Variants in RARB observed in about 807,000 individuals in gnomAD.
RARB encodes retinoic acid receptor beta.
A neutral mutation model predicts 51.9 loss-of-function variants in RARB; 17 were observed. The observed-to-expected ratio is 0.33, with a 90% confidence interval of 0.22 to 0.49. RARB has a LOEUF of 0.49. Among genes scored for constraint, RARB ranks in the 20% least tolerant of loss-of-function variants. The probability of loss-of-function intolerance (pLI) is 0.99; values close to 1 mark genes in which losing one functional copy is unlikely to be tolerated. For synonymous variants in RARB, 215 were observed against 195.4 expected (o/e 1.10, Z -0.84); for missense variants, 369 against 550.8 (o/e 0.67, Z 3.30).
intron 3 of RARB, among the ~76,000 whole-genome samples, chr3:25,076,904 T>G (rs930349211): frequency 1.3e-5 from 2 of 152,164 alleles, no homozygotes; most frequent in African/African-American, 2.4e-5. Context: ...GACAGTGGGA[T>G]TTCTAGGACA....
chr3:25,063,704 G>C (rs1169024205), intron 3 of RARB, among the ~76,000 whole-genome samples: 1 of 150,452 alleles, frequency 6.6e-6, no homozygotes, highest in African/African-American at 2.4e-5. Context: ...CTTGTAGTTT[G>C]AGACTTTTTT....
intron 5 of RARB, among the ~76,000 whole-genome samples, chr3:25,200,366 C>A (rs1701359524): frequency 6.6e-6 from 1 of 151,758 alleles, no homozygotes. Flanking sequence ...AAGTAGATTG[C>A]AAAAATTTTC....
At chr3:25,036,432 T>C (rs1244074205) in intron 2 of RARB, among the ~76,000 whole-genome samples, 2 of 152,172 alleles carry the variant, frequency 1.3e-5, no homozygotes, top group African/African-American at 4.8e-5. Flanking sequence ...CCTCTATTAA[T>C]TACATGCCGG....
At chr3:25,442,024 G>A (rs1163139595) in intron 1 of RARB, among the ~76,000 whole-genome samples, 1 of 152,146 alleles carries the variant, frequency 6.6e-6, no homozygotes, top group African/African-American at 2.4e-5. Flanking sequence ...ATTCTACATT[G>A]TCTAATATCA....
intron 1 of RARB, among the ~76,000 whole-genome samples, chr3:24,844,962 T>C (rs1702468248): frequency 6.6e-6 from 1 of 152,196 alleles, no homozygotes; most frequent in Non-Finnish European, 1.5e-5. Context: ...GTCTTCCTCT[T>C]CAGCAAACTC....
At chr3:25,215,134 GC>G (rs1265357150) in intron 5 of RARB, among the ~76,000 whole-genome samples, 1 of 152,150 alleles carries the variant, frequency 6.6e-6, no homozygotes, top group Non-Finnish European at 1.5e-5. Context: ...CTCACCTGGG[GC>G]CCAAGTGTCA....
rs998407515 is a variant in RARB at position 25,596,547 on chromosome 3, G to A, written c.1278G>A (p.Glu426=). 2.7e-5 allele frequency: 44 copies of A among 1,613,894 alleles called. 1 individual carries two copies. The East Asian group carries it at 9.8e-4, about 36-fold the overall frequency. Residue 426 remains glutamate (E), a synonymous_variant, in exon 8 of 8, where the codon GAG becomes GAA. Coordinates refer to ENST00000330688, the MANE Select transcript of RARB (RefSeq NM_000965.5). ...LTPSSSGNTA[E]HSPSISPSSV... ...CAAGTTCAAGTGGGAACACAGCAGA[G>A]CACAGTCCTAGCATCTCACCCAGCT...
intron 1 of RARB, among the ~76,000 whole-genome samples, chr3:25,430,948 C>G (rs962554997): frequency 9.6e-5 from 14 of 145,948 alleles, no homozygotes; most frequent in Admixed American, 8.8e-4. Flanking sequence ...TCAGTTGTTC[C>G]AACGATTTTT....
chr3:25,372,940 A>T (rs1575351369), intron 5 of RARB, among the ~76,000 whole-genome samples: 1 of 152,210 alleles, frequency 6.6e-6, no homozygotes, highest in South Asian at 2.1e-4. Context: ...TGGATTGGCA[A>T]TGTGGGTGAA....
chr3:25,341,569 C>T (rs1488469717), intron 5 of RARB, among the ~76,000 whole-genome samples: 1 of 152,096 alleles, frequency 6.6e-6, no homozygotes, highest in Admixed American at 6.6e-5. Context: ...TGACTTCTCT[C>T]TGTGGTGTGA....
intron 5 of RARB, among the ~76,000 whole-genome samples, chr3:25,339,217 A>C (rs554472024): frequency 2.4e-4 from 37 of 152,336 alleles, no homozygotes; most frequent in African/African-American, 8.9e-4. Context: ...AATGAAGTTT[A>C]GCCTAAAGCT....
At chr3:24,832,628 A>AATATATGTATATATATATATATATAT (rs1702297107) in intron 1 of RARB, among the ~76,000 whole-genome samples, 1 of 88,456 alleles carries the variant, frequency 1.1e-5, no homozygotes, top group South Asian at 4.4e-4. Context: ...ATTGAGTCCC[A>AATATATGTATATATATATATATATAT]ATATATATAT....
chr3:25,003,248 G>T (rs917992628), intron 2 of RARB, among the ~76,000 whole-genome samples: 1 of 151,670 alleles, frequency 6.6e-6, no homozygotes, highest in Non-Finnish European at 1.5e-5. Context: ...TAATTACAGG[G>T]TGTTTCATTT....
chr3:24,913,049 C>T (rs544269015), intron 2 of RARB, among the ~76,000 whole-genome samples: 19 of 133,948 alleles, frequency 1.4e-4, no homozygotes, highest in Non-Finnish European at 2.5e-4. Context: ...GGCGCCTTCT[C>T]GGCTCACTGC....
chr3:25,230,549 G>A (rs1438992643), intron 5 of RARB, among the ~76,000 whole-genome samples: 1 of 151,732 alleles, frequency 6.6e-6, no homozygotes, highest in Non-Finnish European at 1.5e-5. Flanking sequence ...CCACTGATCA[G>A]TTTCTAACAA....
rs534469545 is a variant in RARB at position 25,596,685 on chromosome 3, C to A, written c.*69C>A. On this transcript the variant is annotated 3_prime_UTR_variant, in exon 8 of 8. Transcript: ENST00000330688. Reference sequence around the variant, plus strand: ...CCAGGATTTAAAATGCAAGAAAAAACATTTTTACTGCTGCTTAGTTTTTGG... The same window carrying A: ...CCAGGATTTAAAATGCAAGAAAAAAAATTTTTACTGCTGCTTAGTTTTTGG... The A allele has an allele frequency of 1.1e-4, 148 of 1,342,660 alleles. No individual in the cohort carries two copies. The African/African-American group carries it at 2.0e-3, about 18-fold the overall frequency. 83.2% of individuals were successfully genotyped at this position (1,342,660 alleles called of 1,614,324 possible).
intron 4 of RARB, among the ~76,000 whole-genome samples, chr3:25,172,092 T>C (rs1700656777): frequency 6.6e-6 from 1 of 152,172 alleles, no homozygotes; most frequent in Non-Finnish European, 1.5e-5. Flanking sequence ...CTTTGTAAGT[T>C]CAGCGGAGTA....
At chr3:24,862,345 T>C (rs1371399932) in intron 2 of RARB, among the ~76,000 whole-genome samples, 4 of 152,206 alleles carry the variant, frequency 2.6e-5, no homozygotes, top group Non-Finnish European at 4.4e-5. Context: ...AGGAAACGAA[T>C]GTCCAAAGAG....
chr3:24,858,790 T>C (rs780156345), intron 2 of RARB: 6 of 152,014 alleles, frequency 3.9e-5, no homozygotes, highest in Non-Finnish European at 8.8e-5. Context: ...TCTCTAATAC[T>C]TTTTGGGAGG....
Sources: allele counts gnomAD v4.1 joint callset (sites outside exome capture counted in the v4.1 genomes callset), GRCh38; gene constraint gnomAD v4.1.1; transcripts MANE v1.5; gene names NCBI Gene and HGNC (gene_info 2026-07-23, HGNC 2026-07-21).